The following STRADA variants were observed in gnomAD, a reference collection of about 807,000 sequenced individuals.
The protein encoded by STRADA is STE20-related kinase adapter protein alpha.
In STRADA, 26 loss-of-function variants were observed where a neutral mutation model predicts 55.0. The observed-to-expected ratio is 0.47, with a 90% CI of 0.35 to 0.66. The LOEUF (loss-of-function observed/expected upper bound fraction) is 0.66. Ranked by LOEUF, STRADA falls within the 30% of genes least tolerant of loss-of-function variation. The pLI, the probability that STRADA is intolerant of heterozygous loss-of-function variation, is 0.01. For missense variants in STRADA, 443 were observed against 549.7 expected (o/e 0.81, Z 1.94); for synonymous variants, 197 against 210.9 (o/e 0.93, Z 0.57).
chr17:63,704,526 GA>G lies in STRADA; in HGVS notation c.914del (p.Ile305ThrfsTer6). ...GGCTCATGGTCAGCTCCTCAGCGGGGATGGTGCTGGTATCCAACAGGCAGGG... is the reference window on the plus strand; with the variant it reads ...GGCTCATGGTCAGCTCCTCAGCGGGGTGGTGCTGGTATCCAACAGGCAGGG... Reference protein sequence around the residue: ...TVPCLLDTSTIPAEELTMSPS... With the variant: ...TVPCLLDTSTXPAEELTMSPS... On this transcript the variant is annotated frameshift_variant, in exon 11 of 13. Transcript: ENST00000336174. LOFTEE classifies it high-confidence loss of function. 1 of 1,599,372 alleles carries G rather than the reference GA, an allele frequency of 6.3e-7. No individual in the cohort carries two copies. The highest frequency in any genetic ancestry group is 8.5e-7 in the Non-Finnish European group (1 of 1,172,066).
intron 6 of STRADA, among the ~76,000 whole-genome samples, chr17:63,711,354 C>CT (rs1406513989): frequency 1.3e-5 from 2 of 151,688 alleles, no homozygotes; most frequent in Non-Finnish European, 2.9e-5. Flanking sequence ...AAAATGTTTT[C>CT]TTTTTTATTT....
intron 8 of STRADA, among the ~76,000 whole-genome samples, chr17:63,708,544 C>T (rs2013288): frequency 0.28 from 42,316 of 151,760 alleles, 6,257 homozygotes; most frequent in Middle Eastern, 0.37. Flanking sequence ...ATTTACATAT[C>T]ACCAGATTAA....
At chr17:63,710,032 CTTT>C (rs199783375) in intron 8 of STRADA, among the ~76,000 whole-genome samples, 4 of 132,236 alleles carry the variant, frequency 3.0e-5, no homozygotes, top group Admixed American at 7.5e-5. Flanking sequence ...ATCCTTCTCT[CTTT>C]TTTTTTTTTT....
intron 1 of STRADA, among the ~76,000 whole-genome samples, chr17:63,736,103 G>A (rs1426711271): frequency 6.6e-6 from 1 of 151,960 alleles, no homozygotes; most frequent in Non-Finnish European, 1.5e-5. Flanking sequence ...CACTACGCCC[G>A]GCTGATTTTT....
At chr17:63,720,856 G>C (rs1568200965) in intron 4 of STRADA, among the ~76,000 whole-genome samples, 1 of 151,928 alleles carries the variant, frequency 6.6e-6, no homozygotes, top group Non-Finnish European at 1.5e-5. Context: ...CAGCACTTTG[G>C]GAGGCTGAGA....
At chr17:63,726,360 T>A (rs1434402247) in intron 3 of STRADA, 1 of 342,558 alleles carries the variant, frequency 2.9e-6, no homozygotes, top group African/African-American at 2.1e-5. Flanking sequence ...TAAATAGTTT[T>A]CTTCCTTTAA....
chr17:63,707,470 A>C, intron 8 of STRADA, 52 bp from the exon 9 acceptor site: 1 of 1,596,402 alleles, frequency 6.3e-7, no homozygotes. Context: ...CTCCTGCTAC[A>C]AATTTTTGGT....
intron 2 of STRADA, chr17:63,727,830 T>C (rs567471264): frequency 6.6e-6 from 1 of 152,348 alleles, no homozygotes; most frequent in South Asian, 2.1e-4. Flanking sequence ...ACTCATGAAA[T>C]AATGGGAATT....
At position 63,704,622 on chromosome 17, in the gene STRADA, G is replaced by T. The variant is rs540719738; in HGVS notation, c.859-40C>A. On this transcript the variant is annotated intron_variant, in intron 10 of 12. Coordinates refer to ENST00000336174, the MANE Select transcript of STRADA (RefSeq NM_001003787.4). Reference sequence around the variant, plus strand: ...ACCAGGACCTGGGCTGTAGCGGGTGGGGGGGGGGGGTGGTCCCTGGAAGGC... The same window carrying T: ...ACCAGGACCTGGGCTGTAGCGGGTGTGGGGGGGGGGTGGTCCCTGGAAGGC... 7.7e-4 allele frequency: 604 copies of T among 786,332 alleles called. 1 individual carries two copies. The highest frequency in any genetic ancestry group is 9.9e-4 in the Middle Eastern group (3 of 3,030). The allele number at this position is 786,332 out of a possible 1,614,324, so 48.7% of individuals were successfully genotyped here.
At chr17:63,726,768 A>G in intron 2 of STRADA, 73 bp from the exon 3 acceptor site, 1 of 1,474,956 alleles carries the variant, frequency 6.8e-7, no homozygotes, top group Non-Finnish European at 9.5e-7. Context: ...GCCTTTAGAC[A>G]GACAAACAAA....
intron 10 of STRADA, 154 bp downstream of exon 10, chr17:63,706,481 G>C: frequency 1.6e-6 from 1 of 643,340 alleles, no homozygotes; most frequent in African/African-American, 1.8e-5. Flanking sequence ...CAAAGAGTGA[G>C]GTCACTATCC....
intron 4 of STRADA, among the ~76,000 whole-genome samples, chr17:63,718,555 A>T (rs1317076633): frequency 1.3e-5 from 2 of 152,230 alleles, no homozygotes; most frequent in Admixed American, 1.3e-4. Context: ...GTTAATAGAA[A>T]GCTCAGTGGG....
intron 1 of STRADA, among the ~76,000 whole-genome samples, chr17:63,739,406 G>A (rs2038699146): frequency 6.6e-6 from 1 of 151,948 alleles, no homozygotes; most frequent in African/African-American, 2.4e-5. Flanking sequence ...TGCCCAGGCT[G>A]GTCTCAAACT....
chr17:63,720,868 A>G (rs971863441), intron 4 of STRADA, among the ~76,000 whole-genome samples: 13 of 151,730 alleles, frequency 8.6e-5, no homozygotes, highest in African/African-American at 2.9e-4. Flanking sequence ...AGGCTGAGAC[A>G]GGTGGATCAT....
chr17:63,728,219 C>G, intron 2 of STRADA, 115 bp downstream of exon 2: 2 of 924,982 alleles, frequency 2.2e-6, no homozygotes, highest in Non-Finnish European at 3.3e-6. Flanking sequence ...TCCTACATCC[C>G]TCACTTCCGT....
rs182577353 is a variant in STRADA at position 63,716,641 on chromosome 17, G to A, written c.124-2533C>T. The stretch of plus-strand genomic sequence containing the variant: ...GTAGGCCCCACGGAACTCTGATTCT[G>A]CCAGTTGGATGGAAAAAGTTTCCAT... On this transcript the variant is annotated intron_variant, in intron 4 of 12. Coordinates refer to ENST00000336174, the MANE Select transcript of STRADA (RefSeq NM_001003787.4). Among the ~76,000 whole-genome samples the A allele has an allele frequency of 4.6e-5, 7 of 152,208 alleles. No individual in the cohort carries two copies. The East Asian group carries it at 1.3e-3, about 29-fold the overall frequency.
intron 2 of STRADA, chr17:63,727,609 A>C (rs2144151557): frequency 6.6e-6 from 1 of 152,292 alleles, no homozygotes; most frequent in Middle Eastern, 3.4e-3. Context: ...ACCTATAACT[A>C]TTTTTTCCAA....
At chr17:63,736,262 T>C (rs917694891) in intron 1 of STRADA, among the ~76,000 whole-genome samples, 1 of 152,110 alleles carries the variant, frequency 6.6e-6, no homozygotes, top group Non-Finnish European at 1.5e-5. Context: ...AATGAAATTA[T>C]TTTAATGTAC....
At chr17:63,704,627 G>C (rs749351894) in intron 10 of STRADA, 45 bp from the exon 11 acceptor site, 146 of 953,736 alleles carry the variant, frequency 1.5e-4, no homozygotes, top group East Asian at 4.3e-4. Flanking sequence ...GGGTGGGGGG[G>C]GGGGGTGGTC....
Sources: allele counts gnomAD v4.1 joint callset (sites outside exome capture counted in the v4.1 genomes callset), GRCh38; gene constraint gnomAD v4.1.1; transcripts MANE v1.5; gene names NCBI Gene and HGNC (gene_info 2026-07-23, HGNC 2026-07-21).